The following BMP8B variants were observed in gnomAD, a reference collection of about 807,000 sequenced individuals.
BMP8B encodes bone morphogenetic protein 8 (osteogenic protein 2).
BMP8B carries 17 observed loss-of-function variants against 30.3 expected under a neutral mutation model. That is an observed-to-expected ratio of 0.56 (90% CI 0.38 to 0.84). The LOEUF (loss-of-function observed/expected upper bound fraction) is 0.84, where lower values mean the gene tolerates loss of function less well. Among genes scored for constraint, BMP8B ranks in the 40% least tolerant of loss-of-function variants. The probability of loss-of-function intolerance (pLI) is 0.00; values close to 1 mark genes in which losing one functional copy is unlikely to be tolerated. For missense variants in BMP8B, 253 were observed against 494.6 expected (o/e 0.51, Z 4.63); for synonymous variants, 131 against 214.7 (o/e 0.61, Z 3.41).
intron 6 of BMP8B, among the ~76,000 whole-genome samples, chr1:39,760,839 A>G (rs1426148431): frequency 1.3e-5 from 2 of 152,286 alleles, no homozygotes; most frequent in East Asian, 3.9e-4. Flanking sequence ...CTGGAGTCCC[A>G]GGCCAAGGGC....
chr1:39,757,322 T>A lies in BMP8B; in HGVS notation c.*3097A>T, dbSNP rs908397096. 6.6e-6 allele frequency: 1 copy of A among 152,270 alleles called. No homozygotes were observed. Among genetic ancestry groups the A allele is most frequent in the Admixed American group, 6.5e-5 (1 of 15,282 alleles). 9.4% of individuals were successfully genotyped at this position (152,270 alleles called of 1,614,324 possible). On this transcript the variant is annotated 3_prime_UTR_variant, in exon 7 of 7. Transcript: ENST00000372827. ...CAAAGATTTGTGTACATATTTAGTCTTTATAATAGCTTTGGGAGGAAAGAA... is the reference window on the plus strand; with the variant it reads ...CAAAGATTTGTGTACATATTTAGTCATTATAATAGCTTTGGGAGGAAAGAA...
chr1:39,781,762 G>A lies in BMP8B; in HGVS notation c.334+6390C>T, dbSNP rs956516671. On this transcript the variant is annotated intron_variant, in intron 1 of 6. Transcript: ENST00000372827. ...TTAGAGCTGTCTCTCTTTAAGGCAA[G>A]GGGGCTGGGCACTGGTACTGCCATA... 2.0e-5 allele frequency among the ~76,000 whole-genome samples: 3 copies of A among 152,214 alleles called. No individual in the cohort carries two copies. In the East Asian group the frequency reaches 5.8e-4, roughly 29 times the overall value.
chr1:39,771,264 C>T lies in BMP8B; in HGVS notation c.673+3044G>A, dbSNP rs940871890. On this transcript the variant is annotated intron_variant, in intron 3 of 6. Transcript: ENST00000372827. Reference sequence around the variant, plus strand: ...AGCCGCAGCGCCGCCATAGTCGGCCCGGGTCGGAGGCCAGGACAGGTGGTG... The same window carrying T: ...AGCCGCAGCGCCGCCATAGTCGGCCTGGGTCGGAGGCCAGGACAGGTGGTG... 111 of 1,511,610 alleles carry T rather than the reference C, an allele frequency of 7.3e-5. No individual in the cohort carries two copies. The African/African-American group carries it at 1.4e-3, about 20-fold the overall frequency. The allele number at this position is 1,511,610 out of a possible 1,614,324, so 93.6% of individuals were successfully genotyped here.
chr1:39,762,653 T>C, intron 6 of BMP8B: 1 of 1,539,472 alleles, frequency 6.5e-7, no homozygotes, highest in Non-Finnish European at 8.8e-7. Flanking sequence ...GCGGCACAGG[T>C]GGGTGAGTGC....
intron 3 of BMP8B, chr1:39,771,114 C>T (rs1223043990): frequency 6.4e-7 from 1 of 1,558,576 alleles, no homozygotes; most frequent in African/African-American, 1.4e-5. Flanking sequence ...TTCACCATCT[C>T]CACCGGGTCC....
chr1:39,762,612 C>T, intron 6 of BMP8B: 2 of 1,549,586 alleles, frequency 1.3e-6, no homozygotes, highest in Non-Finnish European at 8.7e-7. Flanking sequence ...AGGTTGAGAG[C>T]CACACCATCT....
At chr1:39,768,872 A>C (rs1186104380) in intron 3 of BMP8B, among the ~76,000 whole-genome samples, 1 of 150,396 alleles carries the variant, frequency 6.6e-6, no homozygotes, top group African/African-American at 2.5e-5. Flanking sequence ...AAAAGAAAAA[A>C]AATTACAGTA....
chr1:39,769,942 C>T lies in BMP8B; in HGVS notation c.673+4366G>A, dbSNP rs148620404. 429 of 1,584,920 alleles carry T rather than the reference C, an allele frequency of 2.7e-4. No homozygotes were observed. The African/African-American group carries it at 4.7e-3, about 17-fold the overall frequency. ...GGGTGTTGTCCTTTGTGCAGTGCTGCATGGTGACCACCACTCTGGTCTTCT... is the reference window on the plus strand; with the variant it reads ...GGGTGTTGTCCTTTGTGCAGTGCTGTATGGTGACCACCACTCTGGTCTTCT... On this transcript the variant is annotated intron_variant, in intron 3 of 6. Coordinates refer to ENST00000372827, the MANE Select transcript of BMP8B (RefSeq NM_001720.5).
intron 3 of BMP8B, among the ~76,000 whole-genome samples, chr1:39,765,971 GC>G: frequency 6.7e-6 from 1 of 150,122 alleles, no homozygotes; most frequent in African/African-American, 2.5e-5. Context: ...GGAGGTTGAG[GC>G]TGCAGTGAGG....
chr1:39,762,025 T>C (rs1361127281), intron 6 of BMP8B, among the ~76,000 whole-genome samples: 1 of 152,186 alleles, frequency 6.6e-6, no homozygotes, highest in East Asian at 1.9e-4. Flanking sequence ...CATGCAGCCA[T>C]GAGAACCACA....
chr1:39,786,928 C>G (rs1049325448), intron 1 of BMP8B, among the ~76,000 whole-genome samples: 7 of 152,220 alleles, frequency 4.6e-5, no homozygotes, highest in Non-Finnish European at 2.9e-5. Flanking sequence ...GCTGATGGCC[C>G]CACAAAACCT....
chr1:39,781,739 A>G (rs1050438121), intron 1 of BMP8B, among the ~76,000 whole-genome samples: 1 of 152,220 alleles, frequency 6.6e-6, no homozygotes, highest in African/African-American at 2.4e-5. Flanking sequence ...GTGGCCCTTT[A>G]GAGCTGTCTC....
intron 6 of BMP8B, chr1:39,762,259 G>A (rs533982740): frequency 3.7e-4 from 148 of 396,940 alleles, no homozygotes; most frequent in African/African-American, 2.9e-3. Context: ...TAGAGACAGG[G>A]TTTTGCTGTG....
At chr1:39,785,491 G>A (rs1023231251) in intron 1 of BMP8B, among the ~76,000 whole-genome samples, 3 of 152,214 alleles carry the variant, frequency 2.0e-5, no homozygotes, top group African/African-American at 7.2e-5. Context: ...ACGGAGACCT[G>A]AGCCATGGTG....
At chr1:39,765,086 AAAT>A (rs1413008027) in intron 3 of BMP8B, 148 of 632,930 alleles carry the variant, frequency 2.3e-4, no homozygotes, top group South Asian at 1.5e-3. Context: ...GCTGCGTCAC[AAAT>A]AATAACATTT....
At chr1:39,762,973 A>T in intron 6 of BMP8B, 119 bp downstream of exon 6, 6 of 1,289,352 alleles carry the variant, frequency 4.7e-6, no homozygotes, top group Non-Finnish European at 6.6e-6. Context: ...GACTGTGCAG[A>T]CAAAGCCCCC....
At chr1:39,776,958 A>G (rs559213936) in intron 1 of BMP8B, among the ~76,000 whole-genome samples, 92 of 152,322 alleles carry the variant, frequency 6.0e-4, no homozygotes, top group African/African-American at 2.1e-3. Flanking sequence ...GTTCTACTGT[A>G]AATGCTATGA....
At chr1:39,769,354 A>G (rs983458868) in intron 3 of BMP8B, among the ~76,000 whole-genome samples, 1 of 150,396 alleles carries the variant, frequency 6.6e-6, no homozygotes, top group Admixed American at 6.6e-5. Flanking sequence ...GTCAGTTTTT[A>G]TCTCCATTTC....
intron 1 of BMP8B, among the ~76,000 whole-genome samples, chr1:39,777,836 T>C (rs2124480177): frequency 6.6e-6 from 1 of 152,284 alleles, no homozygotes; most frequent in Non-Finnish European, 1.5e-5. Flanking sequence ...TCCGGCCTCT[T>C]GTGCCTTCTA....
Sources: allele counts gnomAD v4.1 joint callset (sites outside exome capture counted in the v4.1 genomes callset), GRCh38; gene constraint gnomAD v4.1.1; transcripts MANE v1.5; gene names NCBI Gene and HGNC (gene_info 2026-07-23, HGNC 2026-07-21).